CLVS1: variants seen among roughly 807,000 people sequenced by gnomAD.
CLVS1 encodes the protein clavesin-1.
Under a neutral mutation model 33.1 loss-of-function variants are expected in CLVS1, and 10 were observed. That is an observed-to-expected ratio of 0.30 (90% CI 0.19 to 0.51). CLVS1 has a LOEUF of 0.51. CLVS1 is among the 20% of genes least tolerant of loss of function. The pLI is 0.97. For synonymous variants in CLVS1, 163 were observed against 166.1 expected, an observed-to-expected ratio of 0.98 and a Z score of 0.14; for missense variants, 343 against 433.4, an observed-to-expected ratio of 0.79 and a Z score of 1.85.
chr8:61,305,575 T>C (rs1451302324), intron 2 of CLVS1, among the ~76,000 whole-genome samples: 2 of 152,212 alleles, frequency 1.3e-5, no homozygotes, highest in Admixed American at 6.5e-5. Context: ...TTTTAACTTT[T>C]AAGTTCAGGT....
the CLVS1 span, among the ~76,000 whole-genome samples, chr8:61,018,050 G>T: frequency 6.6e-6 from 1 of 152,206 alleles, no homozygotes; most frequent in Non-Finnish European, 1.5e-5. Flanking sequence ...AAAGGAAGGG[G>T]AGAGGACTGG....
intron 3 of CLVS1, among the ~76,000 whole-genome samples, chr8:61,437,625 A>T (rs1001504900): frequency 6.6e-6 from 1 of 152,164 alleles, no homozygotes; most frequent in Non-Finnish European, 1.5e-5. Flanking sequence ...CATTTTTTAT[A>T]CTTTCAGAGT....
intron 2 of CLVS1, among the ~76,000 whole-genome samples, chr8:61,261,533 C>T (rs1370038644): frequency 1.3e-5 from 2 of 152,108 alleles, no homozygotes; most frequent in East Asian, 1.9e-4. Flanking sequence ...CCACCCCACC[C>T]CACATTTATA....
At chr8:61,172,177 CTA>C (rs1807015617) in intron 2 of CLVS1, among the ~76,000 whole-genome samples, 1 of 152,134 alleles carries the variant, frequency 6.6e-6, no homozygotes, top group South Asian at 2.1e-4. Context: ...CATCTTTTGT[CTA>C]TGTTACGTAT....
intron 2 of CLVS1, among the ~76,000 whole-genome samples, chr8:61,347,646 A>C: frequency 1.7e-5 from 1 of 59,544 alleles, no homozygotes; most frequent in African/African-American, 5.0e-5. Context: ...ATATATATAT[A>C]TATATATATA....
rs921539613 is a variant in CLVS1, at chr8:61,235,775, T to C, written c.-151-63902T>C. 7.7e-4 allele frequency among the ~76,000 whole-genome samples: 118 copies of C among 152,330 alleles called. 2 individuals carry two copies. Among genetic ancestry groups the C allele is most frequent in the Middle Eastern group, 3.4e-3 (1 of 294 alleles). On this transcript the variant is annotated intron_variant, in intron 2 of 2. Transcript: ENST00000522621. ...GAATGCCTTGTTCCCCAGCACACCCTCTGTTCTGAGGTTAAGACAGAATGT... is the reference window on the plus strand; with the variant it reads ...GAATGCCTTGTTCCCCAGCACACCCCCTGTTCTGAGGTTAAGACAGAATGT...
intron 1 of CLVS1, among the ~76,000 whole-genome samples, chr8:61,108,249 T>C (rs1358981575): frequency 6.9e-6 from 1 of 145,470 alleles, no homozygotes; most frequent in Non-Finnish European, 1.5e-5. Context: ...AAAAAAAAAA[T>C]CTCTGCCCTC....
chr8:61,135,845 C>T (rs1040279500), intron 2 of CLVS1, among the ~76,000 whole-genome samples: 3 of 152,202 alleles, frequency 2.0e-5, no homozygotes, highest in Admixed American at 6.5e-5. Context: ...GAGATGCATT[C>T]GCCTTGGTGA....
chr8:61,115,335 ATTTTT>A (rs200403672), intron 1 of CLVS1, among the ~76,000 whole-genome samples: 5 of 150,760 alleles, frequency 3.3e-5, no homozygotes, highest in African/African-American at 1.2e-4. Flanking sequence ...GGCAACTCTT[ATTTTT>A]TTTATTTTAT....
At chr8:61,316,198 T>G (rs544898772) in intron 2 of CLVS1, among the ~76,000 whole-genome samples, 2 of 152,242 alleles carry the variant, frequency 1.3e-5, no homozygotes, top group Admixed American at 1.3e-4. Context: ...CAAAGCCATA[T>G]GCACACGTAT....
At chr8:61,096,333 T>G (rs1001108105) in intron 1 of CLVS1, among the ~76,000 whole-genome samples, 1 of 152,212 alleles carries the variant, frequency 6.6e-6, no homozygotes, top group Non-Finnish European at 1.5e-5. Flanking sequence ...GTCCTCTGCT[T>G]TCTGTCTTAT....
At chr8:60,970,019 C>T in the CLVS1 span, among the ~76,000 whole-genome samples, 1 of 152,096 alleles carries the variant, frequency 6.6e-6, no homozygotes, top group African/African-American at 2.4e-5. Context: ...AGTCGCCTCC[C>T]CCGATACGTC....
intron 2 of CLVS1, among the ~76,000 whole-genome samples, chr8:61,166,031 GT>G (rs71245557): frequency 0.13 from 14,233 of 108,378 alleles, 1,510 homozygotes; most frequent in African/African-American, 0.28. Flanking sequence ...GCATCTAAGC[GT>G]TTTTTTTTTT....
intron 2 of CLVS1, among the ~76,000 whole-genome samples, chr8:61,250,845 A>G (rs1051220900): frequency 1.3e-5 from 2 of 152,168 alleles, no homozygotes; most frequent in Non-Finnish European, 2.9e-5. Context: ...TAAATATACA[A>G]TCATGTCATC....
At chr8:61,295,896 C>T (rs1275070823) in intron 1 of CLVS1, among the ~76,000 whole-genome samples, 2 of 152,070 alleles carry the variant, frequency 1.3e-5, no homozygotes, top group African/African-American at 4.8e-5. Context: ...ATGCCTAGAA[C>T]ATAATAAATA....
In CLVS1 at chr8:61,347,680, A is replaced by C. The variant is rs1034283109; in HGVS notation, c.456-28925A>C. Among the ~76,000 whole-genome samples the C allele has an allele frequency of 1.4e-3, 127 of 93,458 alleles. 1 individual carries two copies. Among genetic ancestry groups the C allele is most frequent in the African/African-American group, 4.6e-3 (120 of 25,960 alleles). The allele number at this position is 93,458 out of a possible 152,430, so 61.3% of individuals were successfully genotyped here. On this transcript the variant is annotated intron_variant, in intron 2 of 5. Coordinates refer to ENST00000325897, the MANE Select transcript of CLVS1 (RefSeq NM_173519.3). ...TATATATATATATATATATATATATATATCCTGAAGTATACATTGTGGAAT... is the reference window on the plus strand; with the variant it reads ...TATATATATATATATATATATATATCTATCCTGAAGTATACATTGTGGAAT...
At chr8:61,384,074 T>C (rs921628593) in intron 3 of CLVS1, among the ~76,000 whole-genome samples, 1 of 152,242 alleles carries the variant, frequency 6.6e-6, no homozygotes, top group African/African-American at 2.4e-5. Context: ...CCTCAGCTGA[T>C]ACTTAGCAGG....
chr8:61,116,307 T>C (rs1301360386), intron 1 of CLVS1, among the ~76,000 whole-genome samples: 12 of 152,168 alleles, frequency 7.9e-5, no homozygotes, highest in Non-Finnish European at 1.8e-4. Context: ...GCGAAAATTT[T>C]CTCCCATTTG....
chr8:61,387,992 A>C (rs113254874), intron 3 of CLVS1, among the ~76,000 whole-genome samples: 2,877 of 152,194 alleles, frequency 0.019, 76 homozygotes, highest in African/African-American at 0.065. Flanking sequence ...GTAGATACCG[A>C]GGAGGGGGAT....
Sources: gnomAD v4.1 joint callset for allele counts (sites outside exome capture counted in the v4.1 genomes callset) on GRCh38, gnomAD v4.1.1 for gene constraint, MANE v1.5 for transcripts, NCBI Gene and HGNC (gene_info 2026-07-23, HGNC 2026-07-21) for gene names.